ARHGEF7: variants seen among roughly 807,000 people sequenced by gnomAD.
ARHGEF7 encodes PAK-interacting exchange factor beta.
A neutral mutation model predicts 109.8 loss-of-function variants in ARHGEF7; 33 were observed. That is an observed-to-expected ratio of 0.30 (90% CI 0.23 to 0.40). The LOEUF is 0.40. Among genes scored for constraint, ARHGEF7 ranks in the 10% least tolerant of loss-of-function variants. The pLI is 1.00. For missense variants in ARHGEF7, 938 were observed against 1,098.5 expected, an observed-to-expected ratio of 0.85 and a Z score of 2.07; for synonymous variants, 458 against 424.6, an observed-to-expected ratio of 1.08 and a Z score of -0.97.
At chr13:111,231,131 T>C (rs904707971) in intron 5 of ARHGEF7, among the ~76,000 whole-genome samples, 2 of 152,084 alleles carry the variant, frequency 1.3e-5, no homozygotes, top group African/African-American at 4.8e-5. Context: ...GTGGCTGTGA[T>C]TGAGGTGTGG....
intron 1 of ARHGEF7, among the ~76,000 whole-genome samples, chr13:111,121,658 C>T (rs572726204): frequency 6.6e-6 from 1 of 152,364 alleles, no homozygotes; most frequent in Admixed American, 6.5e-5. Flanking sequence ...CGCAACTCTA[C>T]CACGTGCATC....
intron 1 of ARHGEF7, among the ~76,000 whole-genome samples, chr13:111,141,588 A>G (rs939432833): frequency 2.6e-5 from 4 of 151,954 alleles, no homozygotes; most frequent in Non-Finnish European, 5.9e-5. Flanking sequence ...AGCCTTTCTG[A>G]TCGGCTTCTT....
At chr13:111,211,340 G>A (rs1049194583) in intron 4 of ARHGEF7, among the ~76,000 whole-genome samples, 1 of 152,158 alleles carries the variant, frequency 6.6e-6, no homozygotes, top group African/African-American at 2.4e-5. Flanking sequence ...AAATCAGCTC[G>A]CCTTGGGTAA....
chr13:111,149,447 A>G (rs975721651), intron 1 of ARHGEF7, among the ~76,000 whole-genome samples: 4 of 152,232 alleles, frequency 2.6e-5, no homozygotes, highest in Non-Finnish European at 4.4e-5. Context: ...GTCAATTATC[A>G]TTATTTGTGG....
chr13:111,210,558 C>T (rs114180114), intron 4 of ARHGEF7, among the ~76,000 whole-genome samples: 1,625 of 152,192 alleles, frequency 0.011, 26 homozygotes, highest in African/African-American at 0.038. Context: ...AAAAAATACT[C>T]GTTTAAAAAT....
At chr13:111,279,210 T>G (rs1168949035) in intron 13 of ARHGEF7, among the ~76,000 whole-genome samples, 1 of 152,212 alleles carries the variant, frequency 6.6e-6, no homozygotes, top group Admixed American at 6.5e-5. Flanking sequence ...ATTTTTTAAA[T>G]ACGCTTGGCC....
intron 3 of ARHGEF7, among the ~76,000 whole-genome samples, chr13:111,205,581 G>A (rs558650478): frequency 1.3e-5 from 2 of 152,242 alleles, no homozygotes; most frequent in South Asian, 4.1e-4. Context: ...TATATATCAG[G>A]TGTTTTCCTT....
At chr13:111,180,263 T>C (rs192398305) in intron 2 of ARHGEF7, among the ~76,000 whole-genome samples, 1 of 152,354 alleles carries the variant, frequency 6.6e-6, no homozygotes, top group East Asian at 1.9e-4. Context: ...CATTTACTTC[T>C]GAGGTCTGTT....
chr13:111,293,312 C>T (rs1011066380), intron 19 of ARHGEF7: 1 of 985,316 alleles, frequency 1.0e-6, no homozygotes, highest in South Asian at 4.7e-5. Context: ...TCATTATTTT[C>T]AGCAACCAGC....
intron 18 of ARHGEF7, among the ~76,000 whole-genome samples, chr13:111,290,464 A>G (rs1053206707): frequency 6.6e-6 from 1 of 152,240 alleles, no homozygotes; most frequent in African/African-American, 2.4e-5. Flanking sequence ...GCCATCTTAT[A>G]TCAGGGACTG....
At chr13:111,165,181 A>C (rs893798866) in intron 2 of ARHGEF7, among the ~76,000 whole-genome samples, 3 of 152,198 alleles carry the variant, frequency 2.0e-5, no homozygotes, top group African/African-American at 7.2e-5. Context: ...TATACTTGTA[A>C]GGTTCCTTCA....
At chr13:111,205,493 G>A in intron 3 of ARHGEF7, 120 bp downstream of exon 3, 2 of 620,116 alleles carry the variant, frequency 3.2e-6, no homozygotes, top group Non-Finnish European at 5.5e-6. Context: ...AGCTTTTGTT[G>A]CATTACGTTT....
intron 1 of ARHGEF7, among the ~76,000 whole-genome samples, chr13:111,142,607 G>A (rs1246905571): frequency 6.6e-6 from 1 of 152,168 alleles, no homozygotes; most frequent in Non-Finnish European, 1.5e-5. Context: ...GCCCACAAGT[G>A]TCCTTGGCCA....
chr13:111,180,772 A>G (rs2078655968), intron 2 of ARHGEF7, among the ~76,000 whole-genome samples: 1 of 152,238 alleles, frequency 6.6e-6, no homozygotes, highest in Non-Finnish European at 1.5e-5. Context: ...AAGATTATAG[A>G]CACCTGGAAA....
intron 1 of ARHGEF7, among the ~76,000 whole-genome samples, chr13:111,146,026 G>C (rs1023569259): frequency 1.3e-5 from 2 of 152,144 alleles, no homozygotes; most frequent in African/African-American, 4.8e-5. Flanking sequence ...CCTGCAGTTA[G>C]GGAGCTTATG....
intron 2 of ARHGEF7, among the ~76,000 whole-genome samples, chr13:111,163,223 G>A (rs933987840): frequency 6.6e-6 from 1 of 152,182 alleles, no homozygotes; most frequent in African/African-American, 2.4e-5. Flanking sequence ...CATTTTGTAG[G>A]TAGTTTAAAG....
chr13:111,235,369 C>T (rs1037661050), intron 6 of ARHGEF7, among the ~76,000 whole-genome samples: 7 of 152,156 alleles, frequency 4.6e-5, no homozygotes, highest in African/African-American at 7.2e-5. Flanking sequence ...GAAGCATAGT[C>T]GATACCTTTT....
chr13:111,303,233 T>G lies in ARHGEF7; in HGVS notation c.*120T>G, dbSNP rs1371846704. On this transcript the variant is annotated 3_prime_UTR_variant, in exon 22 of 22. Coordinates refer to ENST00000646102, the MANE Select transcript of ARHGEF7 (RefSeq NM_001354046.2). ...GGCTGGGTGGGGCGCCACCTTGCTC[T>G]CTGTATATAGAAAAGCTGGAGCTTA... The G allele has an allele frequency of 3.2e-6, 3 of 939,690 alleles. No homozygotes were observed. The Admixed American group carries it at 8.8e-5, about 27-fold the overall frequency. The allele number at this position is 939,690 out of a possible 1,614,324, so 58.2% of individuals were successfully genotyped here.
chr13:111,115,597 T>A lies in ARHGEF7; in HGVS notation c.71T>A (p.Ile24Asn). Residue 24 changes from isoleucine (I) to asparagine (N), a missense_variant, in exon 1 of 22, where the codon ATC becomes AAC. Ile to Asn is a moderately radical substitution (Grantham distance 149). Coordinates refer to ENST00000646102, the MANE Select transcript of ARHGEF7 (RefSeq NM_001354046.2). Reference protein sequence around the residue: ...LGVLESPKKTISDPEGFLQAS... With the variant: ...LGVLESPKKTNSDPEGFLQAS... ...GTGCTGGAGTCGCCCAAAAAAACCA[T>A]CTCGGACCCGGAGGGCTTTCTGCAG... 7.1e-7 allele frequency: 1 copy of A among 1,415,610 alleles called. No individual in the cohort carries two copies. The highest frequency in any genetic ancestry group is 1.3e-5 in the South Asian group (1 of 74,314). 87.7% of individuals were successfully genotyped at this position (1,415,610 alleles called of 1,614,324 possible). A position where few individuals can be genotyped will look rare whatever the true frequency, so the allele number is the denominator to read the frequency against.
Sources: gnomAD v4.1 joint callset for allele counts (sites outside exome capture counted in the v4.1 genomes callset) on GRCh38, gnomAD v4.1.1 for gene constraint, MANE v1.5 for transcripts, NCBI Gene and HGNC (gene_info 2026-07-23, HGNC 2026-07-21) for gene names.